Variants in LRFN5 observed in about 807,000 individuals in gnomAD.
LRFN5 encodes the protein leucine rich repeat and fibronectin type III domain containing 5, also known as leucine-rich repeat and fibronectin type-III domain-containing protein 5.
A neutral mutation model predicts 45.6 loss-of-function variants in LRFN5; 24 were observed. That is an observed-to-expected ratio of 0.53 (90% confidence interval 0.38 to 0.74). LRFN5 has a LOEUF of 0.74. Ranked by LOEUF, LRFN5 falls within the 30% of genes least tolerant of loss-of-function variation. The pLI, the probability that LRFN5 is intolerant of heterozygous loss-of-function variation, is 0.00. For synonymous variants in LRFN5, 340 were observed against 313.8 expected (o/e 1.08, Z -0.88); for missense variants, 776 against 861.5 (o/e 0.90, Z 1.24).
rs34291427 is a variant in LRFN5 at position 41,876,277 on chromosome 14, C to CTTTT, written c.-20-10311_-20-10308dup. ...GGAATGCGTAATTGTCTTTTTCTTTCTTTTTTTTTTTTTTTTTTTTTGAGA... is the reference window on the plus strand; with the variant it reads ...GGAATGCGTAATTGTCTTTTTCTTTCTTTTTTTTTTTTTTTTTTTTTTTTTGAGA... On this transcript the variant is annotated intron_variant, in intron 2 of 5. Coordinates refer to ENST00000298119, the MANE Select transcript of LRFN5 (RefSeq NM_152447.5). Among the ~76,000 whole-genome samples, 768 of 100,542 alleles carry CTTTT rather than the reference C, an allele frequency of 7.6e-3. 13 individuals are homozygous for CTTTT. Among genetic ancestry groups the CTTTT allele is most frequent in the Middle Eastern group, 0.011 (1 of 92 alleles). 66.0% of individuals were successfully genotyped at this position (100,542 alleles called of 152,430 possible).
intron 2 of LRFN5, among the ~76,000 whole-genome samples, chr14:41,834,603 G>A (rs1391412397): frequency 6.6e-6 from 1 of 152,076 alleles, no homozygotes; most frequent in African/African-American, 2.4e-5. Context: ...TGATAATCAT[G>A]TTAAATATTA....
At chr14:41,742,412 G>A (rs1022047430) in intron 1 of LRFN5, among the ~76,000 whole-genome samples, 3 of 149,398 alleles carry the variant, frequency 2.0e-5, no homozygotes, top group Admixed American at 1.5e-4. Context: ...GGAACTGGAG[G>A]AATTTATACT....
chr14:41,893,092 A>G, intron 4 of LRFN5: 2 of 985,028 alleles, frequency 2.0e-6, no homozygotes, highest in Non-Finnish European at 1.2e-6. Flanking sequence ...TTTGCACTAT[A>G]GTTTTTGCAT....
At chr14:41,737,807 T>C (rs1884508625) in intron 1 of LRFN5, among the ~76,000 whole-genome samples, 1 of 151,976 alleles carries the variant, frequency 6.6e-6, no homozygotes, top group Non-Finnish European at 1.5e-5. Context: ...GAAGGACTTC[T>C]TCAAGGAGAA....
intron 1 of LRFN5, among the ~76,000 whole-genome samples, chr14:41,639,949 A>ATTTTTTT (rs34020254): frequency 1.6e-4 from 11 of 68,036 alleles, no homozygotes; most frequent in East Asian, 4.0e-4. Flanking sequence ...TGACTGGCTA[A>ATTTTTTT]TTTTTTTTTT....
chr14:41,844,241 T>G (rs773929776), intron 2 of LRFN5, among the ~76,000 whole-genome samples: 36 of 152,010 alleles, frequency 2.4e-4, no homozygotes, highest in Admixed American at 1.7e-3. Context: ...ATCGAGACCA[T>G]CCTGGCTAAC....
chr14:41,888,404 T>G (rs1890656592), intron 3 of LRFN5, among the ~76,000 whole-genome samples: 2 of 152,148 alleles, frequency 1.3e-5, no homozygotes. Flanking sequence ...CTCAAAGCAC[T>G]TTTGGAATTA....
chr14:41,802,678 C>T (rs1471087339), intron 2 of LRFN5, among the ~76,000 whole-genome samples: 1 of 152,118 alleles, frequency 6.6e-6, no homozygotes, highest in Admixed American at 6.6e-5. Context: ...AAAACCCTTC[C>T]TTCCAGTTAA....
intron 5 of LRFN5, 133 bp from the exon 6 acceptor site, chr14:41,904,025 G>A: frequency 3.0e-6 from 2 of 674,652 alleles, no homozygotes; most frequent in South Asian, 4.0e-5. Context: ...TGTATTTCAT[G>A]GCAAGCAACT....
chr14:41,692,443 C>G (rs78785757), intron 1 of LRFN5, among the ~76,000 whole-genome samples: 7,295 of 151,762 alleles, frequency 0.048, 477 homozygotes, highest in East Asian at 0.27. Context: ...ACTTTAAGTT[C>G]TAGGGTACAT....
chr14:41,637,187 A>C (rs1879344829), intron 1 of LRFN5, among the ~76,000 whole-genome samples: 2 of 152,142 alleles, frequency 1.3e-5, no homozygotes, highest in African/African-American at 4.8e-5. Context: ...GTTCAAGGTC[A>C]CCCAGAGAAC....
intron 2 of LRFN5, among the ~76,000 whole-genome samples, chr14:41,839,372 T>C (rs1170789586): frequency 1.3e-5 from 2 of 152,056 alleles, no homozygotes; most frequent in African/African-American, 4.8e-5. Flanking sequence ...TTTCAAACAT[T>C]GTTGGTATTC....
At chr14:41,754,272 A>G (rs4904768) in intron 1 of LRFN5, among the ~76,000 whole-genome samples, 115,421 of 151,898 alleles carry the variant, frequency 0.76, 44,238 homozygotes, top group East Asian at 0.97. Context: ...GATGATGCTG[A>G]CCTCATAAAA....
intron 1 of LRFN5, among the ~76,000 whole-genome samples, chr14:41,728,011 T>C (rs1884008158): frequency 6.6e-6 from 1 of 151,254 alleles, no homozygotes; most frequent in African/African-American, 2.5e-5. Flanking sequence ...TTTGTTTTCA[T>C]GACACTGCAT....
chr14:41,618,613 T>G (rs2138552728), intron 1 of LRFN5, among the ~76,000 whole-genome samples: 1 of 152,218 alleles, frequency 6.6e-6, no homozygotes, highest in East Asian at 1.9e-4. Context: ...ACTAACCAGC[T>G]GAGGCTAGCC....
At chr14:41,616,924 G>A (rs1324000397) in intron 1 of LRFN5, among the ~76,000 whole-genome samples, 1 of 152,024 alleles carries the variant, frequency 6.6e-6, no homozygotes, top group Admixed American at 6.6e-5. Context: ...TATTCTTTCT[G>A]TCTCAACTGT....
chr14:41,653,203 A>G (rs1225999960), intron 1 of LRFN5, among the ~76,000 whole-genome samples: 2 of 152,210 alleles, frequency 1.3e-5, no homozygotes, highest in South Asian at 2.1e-4. Context: ...TTTTGTTGCA[A>G]TTGCTTTTGG....
At chr14:41,633,444 C>A (rs1392142123) in intron 1 of LRFN5, among the ~76,000 whole-genome samples, 1 of 152,008 alleles carries the variant, frequency 6.6e-6, no homozygotes, top group South Asian at 2.1e-4. Context: ...AATGCCTTAG[C>A]AGATACATTT....
chr14:41,811,932 T>A (rs1154610), intron 2 of LRFN5, among the ~76,000 whole-genome samples: 14,862 of 151,974 alleles, frequency 0.098, 1,282 homozygotes, highest in East Asian at 0.48. Flanking sequence ...GGTTATTGAT[T>A]TATATTTCAA....
Sources: gnomAD v4.1 joint callset for allele counts (sites outside exome capture counted in the v4.1 genomes callset) on GRCh38, gnomAD v4.1.1 for gene constraint, MANE v1.5 for transcripts, NCBI Gene and HGNC (gene_info 2026-07-23, HGNC 2026-07-21) for gene names.